TTC3: variants seen among roughly 807,000 people sequenced by gnomAD.
TTC3 encodes the protein tetratricopeptide repeat domain 3.
A neutral mutation model predicts 249.6 loss-of-function variants in TTC3; 180 were observed. The observed-to-expected ratio is 0.72, with a 90% CI of 0.64 to 0.82. The LOEUF is 0.82. Ranked by LOEUF, TTC3 falls within the 40% of genes least tolerant of loss-of-function variation. The probability of loss-of-function intolerance (pLI) is 0.00; values close to 1 mark genes in which losing one functional copy is unlikely to be tolerated. For synonymous variants in TTC3, 717 were observed against 805.0 expected, an observed-to-expected ratio of 0.89 and a Z score of 1.85; for missense variants, 2,061 against 2,398.4, an observed-to-expected ratio of 0.86 and a Z score of 2.94.
At chr21:37,139,587 A>G (rs2078249041) in intron 19 of TTC3, among the ~76,000 whole-genome samples, 1 of 152,200 alleles carries the variant, frequency 6.6e-6, no homozygotes, top group Non-Finnish European at 1.5e-5. Context: ...AGAAGTTGAC[A>G]GTGCCCAAGA....
chr21:37,131,698 CTT>C (rs1267022761), intron 16 of TTC3, among the ~76,000 whole-genome samples: 2 of 152,116 alleles, frequency 1.3e-5, no homozygotes, highest in Non-Finnish European at 2.9e-5. Flanking sequence ...GGGACTGATT[CTT>C]TACCCTGTGA....
rs936865166 is a variant in TTC3 at position 37,073,625 on chromosome 21, G to T, written c.-12+261G>T. On this transcript the variant is annotated intron_variant, in intron 1 of 45. Transcript: ENST00000355666. ...TGGTCTGGTGCCCCTTCGCGAGCGA[G>T]GCCCTGGGATGCCGGTGCGAGGGTG... is the stretch of plus-strand genomic sequence containing the variant. The T allele has an allele frequency of 3.6e-4, 157 of 441,894 alleles. 1 individual carries two copies. The highest frequency in any genetic ancestry group is 3.6e-4 in the Non-Finnish European group (120 of 333,148). 27.4% of individuals were successfully genotyped at this position (441,894 alleles called of 1,614,324 possible). A position where few individuals can be genotyped will look rare whatever the true frequency, so the allele number is the denominator to read the frequency against.
At chr21:37,105,515 T>TA (rs951239301) in intron 10 of TTC3, among the ~76,000 whole-genome samples, 7 of 152,076 alleles carry the variant, frequency 4.6e-5, no homozygotes, top group Admixed American at 2.0e-4. Context: ...TTATGTCCTT[T>TA]AAAAAAAATC....
chr21:37,136,890 T>G (rs1053076477), intron 18 of TTC3, among the ~76,000 whole-genome samples: 2 of 152,162 alleles, frequency 1.3e-5, no homozygotes, highest in Admixed American at 1.3e-4. Flanking sequence ...AGCTGGTGAC[T>G]TAAGTTGAAG....
chr21:37,151,832 T>G, intron 25 of TTC3, 61 bp from the exon 26 acceptor site: 1 of 1,470,780 alleles, frequency 6.8e-7, no homozygotes, highest in Admixed American at 2.6e-5. Context: ...GGAAGATGGT[T>G]TCTACGATAG....
At chr21:37,124,556 A>G (rs1006169208) in intron 13 of TTC3, 63 bp from the exon 14 acceptor site, 29 of 1,563,092 alleles carry the variant, frequency 1.9e-5, no homozygotes, top group East Asian at 2.3e-5. Flanking sequence ...GATTGCTGCA[A>G]CCTGTTCATT....
At chr21:37,074,518 T>C (rs1280925294) in intron 1 of TTC3, among the ~76,000 whole-genome samples, 1 of 152,158 alleles carries the variant, frequency 6.6e-6, no homozygotes, top group Non-Finnish European at 1.5e-5. Flanking sequence ...TAATGGTTTA[T>C]AGAGTATTTT....
intron 27 of TTC3, among the ~76,000 whole-genome samples, chr21:37,154,710 T>G (rs543852621): frequency 3.2e-4 from 48 of 152,010 alleles, no homozygotes; most frequent in Non-Finnish European, 4.4e-4. Flanking sequence ...TTGTTTGTTT[T>G]TTTGAGACAG....
Position 37,096,518 on chromosome 21 carries a change from A to G in TTC3, c.783-63A>G, listed in dbSNP as rs181044405. 2.5e-4 allele frequency: 333 copies of G among 1,308,124 alleles called. 2 individuals are homozygous for G. The highest frequency in any genetic ancestry group is 8.7e-6 in the Non-Finnish European group (8 of 924,806). The allele number at this position is 1,308,124 out of a possible 1,614,324, so 81.0% of individuals were successfully genotyped here. ...AGTTTTCTCATGCCTTATGTTTTCT[A>G]CGTGATTTTTATTTGTTTCATGTGT... is the stretch of plus-strand genomic sequence containing the variant. On this transcript the variant is annotated intron_variant, in intron 9 of 45. Coordinates refer to ENST00000355666, the Ensembl canonical transcript of TTC3.
chr21:37,095,135 A>ACATGTGTGTGTGTGTG (rs1555853733), intron 8 of TTC3, among the ~76,000 whole-genome samples: 3 of 76,670 alleles, frequency 3.9e-5, no homozygotes, highest in South Asian at 4.1e-4. Context: ...GTCTCTAAAA[A>ACATGTGTGTGTGTGTG]TATGTGTGTG....
chr21:37,196,735 G>C (rs1294972706), intron 42 of TTC3, among the ~76,000 whole-genome samples: 3 of 152,130 alleles, frequency 2.0e-5, no homozygotes, highest in African/African-American at 7.2e-5. Context: ...TAGCAAAGAA[G>C]GCAGCAGCAA....
At chr21:37,174,984 G>A (rs140791598) in intron 35 of TTC3, among the ~76,000 whole-genome samples, 1,547 of 152,060 alleles carry the variant, frequency 0.01, 15 homozygotes, top group East Asian at 0.029. Context: ...GGCCAGGCGC[G>A]GTGGCTCACA....
chr21:37,168,997 G>A (rs2081491735), intron 34 of TTC3, among the ~76,000 whole-genome samples: 1 of 152,142 alleles, frequency 6.6e-6, no homozygotes, highest in African/African-American at 2.4e-5. Flanking sequence ...ACCTAGCCCT[G>A]CTTGACCTCA....
chr21:37,191,997 G>GGTCTTAT, intron 40 of TTC3, 115 bp from the exon 41 acceptor site: 1 of 629,564 alleles, frequency 1.6e-6, no homozygotes, highest in Admixed American at 3.2e-5. Context: ...GGTTTAATGA[G>GGTCTTAT]GTCTTATTTT....
In TTC3 at chr21:37,195,707, C is replaced by T. The variant is rs1235363975; in HGVS notation, c.5250C>T (p.Gly1750=). The change falls in exon 42 of 46, where the codon GGC becomes GGT. Residue 1750 remains glycine, a synonymous_variant. Coordinates refer to ENST00000355666, the Ensembl canonical transcript of TTC3. ...CCGAGTTACTCCCTGAGTCTTCAGG[C>T]GACGATGGCCAAGGGCTTGTGACTT... The T allele has an allele frequency of 7.4e-6, 12 of 1,612,864 alleles. 1 individual carries two copies. Among genetic ancestry groups the T allele is most frequent in the East Asian group, 2.2e-5 (1 of 44,872 alleles).
At chr21:37,140,152 G>A (rs941377930) in intron 19 of TTC3, among the ~76,000 whole-genome samples, 1 of 152,114 alleles carries the variant, frequency 6.6e-6, no homozygotes, top group Admixed American at 6.5e-5. Flanking sequence ...CTGTGACAAC[G>A]TCATTGGAAT....
intron 11 of TTC3, among the ~76,000 whole-genome samples, chr21:37,115,154 A>G (rs933070938): frequency 2.1e-5 from 3 of 145,908 alleles, no homozygotes; most frequent in Non-Finnish European, 4.5e-5. Flanking sequence ...CGTTGTGCAC[A>G]TGTACCCTAA....
chr21:37,096,416 G>T (rs1284135687), intron 9 of TTC3, among the ~76,000 whole-genome samples, 165 bp from the exon 10 acceptor site: 3 of 152,170 alleles, frequency 2.0e-5, no homozygotes, highest in Non-Finnish European at 4.4e-5. Flanking sequence ...AGAAGTGAAG[G>T]AACGGGGACT....
chr21:37,129,875 C>A (rs967326784), intron 16 of TTC3, among the ~76,000 whole-genome samples: 1 of 152,168 alleles, frequency 6.6e-6, no homozygotes, highest in Non-Finnish European at 1.5e-5. Context: ...GAACTCCTGG[C>A]CTCAAGTGAT....
Sources: allele counts gnomAD v4.1 joint callset (sites outside exome capture counted in the v4.1 genomes callset), GRCh38; gene constraint gnomAD v4.1.1; transcripts MANE v1.5; gene names NCBI Gene and HGNC (gene_info 2026-07-23, HGNC 2026-07-21).